Variants in ZNF257 observed in about 807,000 individuals in gnomAD.
The protein encoded by ZNF257 is zinc finger protein 257.
A neutral mutation model predicts 11.9 loss-of-function variants in ZNF257; 12 were observed. That is an observed-to-expected ratio of 1.01 (90% CI 0.65 to 1.63). The LOEUF is 1.63. ZNF257 is among the 40% of genes most tolerant of loss of function. ZNF257 has a pLI of 0.00. For missense variants in ZNF257, 580 were observed against 665.5 expected (o/e 0.87, Z 1.41); for synonymous variants, 183 against 222.7 (o/e 0.82, Z 1.59).
intron 3 of ZNF257, among the ~76,000 whole-genome samples, chr19:22,082,144 TATATC>T (rs1442110450): frequency 6.6e-6 from 1 of 152,166 alleles, no homozygotes; most frequent in African/African-American, 2.4e-5. Context: ...TATTACAAAT[TATATC>T]TAATAACAGA....
chr19:22,052,576 C>A lies in ZNF257; in HGVS notation c.-57C>A. 6.3e-7 allele frequency: 1 copy of A among 1,595,704 alleles called. No homozygotes were observed. The highest frequency in any genetic ancestry group is 1.1e-5 in the South Asian group (1 of 90,910). The stretch of plus-strand genomic sequence containing the variant: ...GGGCCCAGCCTCTGTGGCCCTGTGA[C>A]CTGCAGGTATTGGGAGATCCCCAGC... On this transcript the variant is annotated 5_prime_UTR_variant, in exon 1 of 4. Transcript: ENST00000594947.
chr19:22,085,690 G>GCACA (rs77765830), intron 3 of ZNF257, among the ~76,000 whole-genome samples: 10 of 148,060 alleles, frequency 6.8e-5, no homozygotes, highest in East Asian at 2.0e-4. Flanking sequence ...ACACACACAT[G>GCACA]CACACACACA....
intron 1 of ZNF257, among the ~76,000 whole-genome samples, chr19:22,071,400 C>T (rs2022099187): frequency 6.6e-6 from 1 of 151,904 alleles, no homozygotes; most frequent in Non-Finnish European, 1.5e-5. Context: ...CCTTTAAAGG[C>T]ATATTCTCGA....
intron 1 of ZNF257, chr19:22,066,461 G>A (rs764348505): frequency 3.9e-5 from 6 of 152,686 alleles, no homozygotes; most frequent in Admixed American, 6.5e-5. Flanking sequence ...TGCCAGCTGT[G>A]AGCCCTGTGC....
chr19:22,084,140 CAA>C (rs373804336), intron 3 of ZNF257, among the ~76,000 whole-genome samples: 9 of 121,804 alleles, frequency 7.4e-5, no homozygotes, highest in Admixed American at 1.8e-4. Context: ...GACTTCATCT[CAA>C]AAAAAAAAAA....
At chr19:22,056,887 CTG>C (rs1314492610) in intron 1 of ZNF257, among the ~76,000 whole-genome samples, 2 of 152,114 alleles carry the variant, frequency 1.3e-5, no homozygotes, top group African/African-American at 2.4e-5. Context: ...AAAAAAATCT[CTG>C]TATTTTGGCT....
rs984880086 is a variant in ZNF257, at chr19:22,090,171, A to G, written c.*729A>G. 4.6e-5 allele frequency: 7 copies of G among 152,170 alleles called. No individual in the cohort carries two copies. The highest frequency in any genetic ancestry group is 4.6e-4 in the Admixed American group (7 of 15,280). 9.4% of individuals were successfully genotyped at this position (152,170 alleles called of 1,614,324 possible). A position where few individuals can be genotyped will look rare whatever the true frequency, so the allele number is the denominator to read the frequency against. On this transcript the variant is annotated 3_prime_UTR_variant, in exon 4 of 4. Coordinates refer to ENST00000594947, the MANE Select transcript of ZNF257 (RefSeq NM_033468.4). ...TCACATATTACACATCAGAGAGTTC[A>G]TACTTAATAAAAGTATTATAAATAC... is the stretch of plus-strand genomic sequence containing the variant.
intron 1 of ZNF257, among the ~76,000 whole-genome samples, chr19:22,067,887 G>A (rs7251108): frequency 2.7e-5 from 4 of 147,896 alleles, no homozygotes; most frequent in South Asian, 4.3e-4. Context: ...TCTCCCCCCC[G>A]CTTGAGCTAT....
chr19:22,056,876 G>GA (rs975855027), intron 1 of ZNF257, among the ~76,000 whole-genome samples: 2 of 152,092 alleles, frequency 1.3e-5, no homozygotes, highest in Non-Finnish European at 2.9e-5. Context: ...GAAAAGAATA[G>GA]AAAAAAATCT....
At chr19:22,064,730 T>C (rs2021895316) in intron 1 of ZNF257, among the ~76,000 whole-genome samples, 1 of 152,182 alleles carries the variant, frequency 6.6e-6, no homozygotes, top group Non-Finnish European at 1.5e-5. Flanking sequence ...TTATGTGTAG[T>C]GTTTGTAGGC....
At chr19:22,077,730 T>C (rs572536770) in intron 3 of ZNF257, among the ~76,000 whole-genome samples, 1 of 152,300 alleles carries the variant, frequency 6.6e-6, no homozygotes, top group Non-Finnish European at 1.5e-5. Context: ...TAAACATGAC[T>C]GTTCAAATAC....
intron 1 of ZNF257, among the ~76,000 whole-genome samples, chr19:22,065,265 T>G (rs867339680): frequency 4.0e-5 from 6 of 151,800 alleles, no homozygotes; most frequent in African/African-American, 1.5e-4. Context: ...AATGGCATGA[T>G]CTCAGCTCAC....
Position 22,052,491 on chromosome 19 carries a change from C to G in ZNF257, c.-142C>G. On this transcript the variant is annotated 5_prime_UTR_variant, in exon 1 of 4. Transcript: ENST00000594947. Reference sequence around the variant, plus strand: ...CTTCCGGGTTTGGCGGGTACTTTGTCTCTCGCTCTAGCCCGAGCTGCAGGT... The same window carrying G: ...CTTCCGGGTTTGGCGGGTACTTTGTGTCTCGCTCTAGCCCGAGCTGCAGGT... The G allele has an allele frequency of 1.0e-6, 1 of 977,626 alleles. No individual in the cohort carries two copies. The highest frequency in any genetic ancestry group is 2.0e-5 in the Admixed American group (1 of 49,292). 60.6% of individuals were successfully genotyped at this position (977,626 alleles called of 1,614,324 possible). A position where few individuals can be genotyped will look rare whatever the true frequency, so the allele number is the denominator to read the frequency against.
At chr19:22,085,976 C>T (rs963755544) in intron 3 of ZNF257, among the ~76,000 whole-genome samples, 4 of 152,000 alleles carry the variant, frequency 2.6e-5, no homozygotes, top group African/African-American at 7.3e-5. Flanking sequence ...AAAGGCAAGT[C>T]TGGCCTTGAG....
At position 22,089,079 on chromosome 19, in the gene ZNF257, T is replaced by C; in HGVS notation, c.1329T>C (p.Ser443=). 2 of 1,612,102 alleles carry C rather than the reference T, an allele frequency of 1.2e-6. No homozygotes were observed. Among genetic ancestry groups the C allele is most frequent in the Non-Finnish European group, 1.7e-6 (2 of 1,179,412 alleles). ...CEECGKAFNR[S]SYLIRHKIIH... ...AGTGTGGCAAAGCCTTTAACCGGTC[T>C]TCATACCTTATTCGACATAAGATAA... The change falls in exon 4 of 4, where the codon TCT becomes TCC. Residue 443 remains serine, a synonymous_variant. Transcript: ENST00000594947.
At chr19:22,054,358 C>T (rs1188002901) in intron 1 of ZNF257, among the ~76,000 whole-genome samples, 3 of 152,272 alleles carry the variant, frequency 2.0e-5, no homozygotes, top group African/African-American at 7.2e-5. Flanking sequence ...GAGTGAGCCG[C>T]GTCCGGCCTT....
intron 1 of ZNF257, 138 bp downstream of exon 1, chr19:22,052,773 C>T (rs971470034): frequency 1.9e-6 from 2 of 1,030,510 alleles, no homozygotes; most frequent in Non-Finnish European, 2.9e-6. Flanking sequence ...CCAGCTCGGC[C>T]TCGGTCCCCC....
chr19:22,068,766 C>T lies in ZNF257; in HGVS notation c.4-4043C>T, dbSNP rs149390500. Among the ~76,000 whole-genome samples, 109 of 152,248 alleles carry T rather than the reference C, an allele frequency of 7.2e-4. 1 individual carries two copies. The East Asian group carries it at 0.013, about 18-fold the overall frequency. On this transcript the variant is annotated intron_variant, in intron 1 of 3. Coordinates refer to ENST00000594947, the MANE Select transcript of ZNF257 (RefSeq NM_033468.4). ...CTGGAGTAGAACATTTTTGTCCTTC[C>T]TCTTACCCAAAAGCTAGCAAATCAG...
intron 3 of ZNF257, among the ~76,000 whole-genome samples, chr19:22,077,464 A>C (rs533541825): frequency 6.6e-6 from 1 of 152,302 alleles, no homozygotes; most frequent in South Asian, 2.1e-4. Context: ...GCCCTCAACA[A>C]ACACCGTTTC....
Sources: allele counts gnomAD v4.1 joint callset (sites outside exome capture counted in the v4.1 genomes callset), GRCh38; gene constraint gnomAD v4.1.1; transcripts MANE v1.5; gene names NCBI Gene and HGNC (gene_info 2026-07-23, HGNC 2026-07-21).